FEZ2: variants seen among roughly 807,000 people sequenced by gnomAD.
FEZ2 encodes fasciculation and elongation protein zeta-2.
Under a neutral mutation model 40.4 loss-of-function variants are expected in FEZ2, and 51 were observed. That is an observed-to-expected ratio of 1.26 (90% CI 1.01 to 1.59). FEZ2 has a LOEUF of 1.59. Among genes scored for constraint, FEZ2 ranks in the 40% most tolerant of loss-of-function variants. The pLI is 0.00. For missense variants in FEZ2, 640 were observed against 438.3 expected, an observed-to-expected ratio of 1.46 and a Z score of -4.11; for synonymous variants, 242 against 172.0, an observed-to-expected ratio of 1.41 and a Z score of -3.18.
intron 5 of FEZ2, among the ~76,000 whole-genome samples, chr2:36,564,232 T>C (rs998295523): frequency 4.6e-5 from 7 of 152,228 alleles, no homozygotes; most frequent in African/African-American, 1.4e-4. Flanking sequence ...CTATTGTATG[T>C]TTAATGGCCT....
chr2:36,578,342 C>T (rs1260862913), intron 5 of FEZ2, among the ~76,000 whole-genome samples: 1 of 151,986 alleles, frequency 6.6e-6, no homozygotes. Context: ...TTTTTTGCCC[C>T]CTCTTCCTTC....
intron 5 of FEZ2, among the ~76,000 whole-genome samples, chr2:36,574,609 G>C (rs766341448): frequency 1.3e-5 from 2 of 151,618 alleles, no homozygotes; most frequent in Non-Finnish European, 2.9e-5. Flanking sequence ...TCTAAGAAAG[G>C]AAGACAATGC....
chr2:36,597,158 G>C (rs1573038204), intron 1 of FEZ2, among the ~76,000 whole-genome samples: 1 of 151,978 alleles, frequency 6.6e-6, no homozygotes, highest in South Asian at 2.1e-4. Context: ...TCCCGGGTGG[G>C]TCCCACAGAT....
chr2:36,587,989 G>C (rs1485571135), intron 2 of FEZ2, among the ~76,000 whole-genome samples: 1 of 151,872 alleles, frequency 6.6e-6, no homozygotes, highest in Non-Finnish European at 1.5e-5. Context: ...GAATGATCAC[G>C]TGTTCACTTT....
intron 5 of FEZ2, among the ~76,000 whole-genome samples, chr2:36,559,482 A>G (rs562817488): frequency 2.0e-4 from 30 of 152,334 alleles, no homozygotes; most frequent in African/African-American, 7.2e-4. Flanking sequence ...GAAAAACAGG[A>G]TAAAGAAAGC....
intron 5 of FEZ2, chr2:36,560,863 G>T: frequency 1.2e-6 from 2 of 1,603,958 alleles, no homozygotes; most frequent in Admixed American, 1.7e-5. Context: ...CCATGCTGAA[G>T]CGCTAAAGGC....
At chr2:36,589,309 T>A (rs1386272561) in intron 2 of FEZ2, among the ~76,000 whole-genome samples, 3 of 152,192 alleles carry the variant, frequency 2.0e-5, no homozygotes, top group Non-Finnish European at 4.4e-5. Flanking sequence ...GTGGCACAGA[T>A]AACAAGTCCT....
rs114819905 is a variant in FEZ2 at position 36,588,508 on chromosome 2, G to T, written c.375+2395C>A. On this transcript the variant is annotated intron_variant, in intron 2 of 7. Transcript: ENST00000405912. ...TACAGCAGTCCCTCGGTATCCAAGG[G>T]AAATTTGTTCCAGGACACCCCAATA... is the stretch of plus-strand genomic sequence containing the variant. Among the ~76,000 whole-genome samples the T allele has an allele frequency of 9.3e-3, 1,423 of 152,220 alleles. 14 individuals are homozygous for T. Among genetic ancestry groups the T allele is most frequent in the African/African-American group, 0.033 (1,364 of 41,514 alleles).
chr2:36,556,188 C>T (rs920634049), intron 6 of FEZ2: 3 of 330,832 alleles, frequency 9.1e-6, no homozygotes, highest in South Asian at 5.5e-5. Context: ...GCTATACCCT[C>T]CAACAAGCGT....
intron 5 of FEZ2, among the ~76,000 whole-genome samples, chr2:36,574,524 A>G (rs1196666910): frequency 6.6e-6 from 1 of 152,174 alleles, no homozygotes; most frequent in Non-Finnish European, 1.5e-5. Context: ...TAGAAATACT[A>G]AAGAGGAGTA....
chr2:36,587,988 C>T (rs981199632), intron 2 of FEZ2, among the ~76,000 whole-genome samples: 10 of 151,944 alleles, frequency 6.6e-5, no homozygotes, highest in African/African-American at 1.7e-4. Context: ...TGAATGATCA[C>T]GTGTTCACTT....
chr2:36,553,407 T>G (rs1351817825), intron 7 of FEZ2, among the ~76,000 whole-genome samples: 1 of 152,074 alleles, frequency 6.6e-6, no homozygotes, highest in Non-Finnish European at 1.5e-5. Flanking sequence ...AAAGGCCATG[T>G]CTCTTAGGGT....
rs769156317 is a variant in FEZ2 at position 36,578,739 on chromosome 2, T to G, written c.761A>C (p.Glu254Ala). 1.9e-5 allele frequency: 30 copies of G among 1,613,918 alleles called. No homozygotes were observed. Among genetic ancestry groups the G allele is most frequent in the Non-Finnish European group, 2.5e-5 (29 of 1,179,902 alleles). Residue 254 changes from glutamate to alanine, a missense_variant, in exon 5 of 8, where the codon GAA (glutamate) becomes GCA (alanine). By Grantham distance (107) the Glu-to-Ala change is moderately radical. Coordinates refer to ENST00000405912, the MANE Select transcript of FEZ2 (RefSeq NM_005102.3). ...ALRDELEFEK[E>A]VKNSFISVLI... Reference sequence around the variant, plus strand: ...AACAGAAATAAAGCTGTTTTTCACTTCCTTTTCAAACTCCAGTTCATCTCG... The same window carrying G: ...AACAGAAATAAAGCTGTTTTTCACTGCCTTTTCAAACTCCAGTTCATCTCG...
At chr2:36,569,848 G>C (rs1036856793) in intron 5 of FEZ2, among the ~76,000 whole-genome samples, 1 of 152,008 alleles carries the variant, frequency 6.6e-6, no homozygotes, top group Non-Finnish European at 1.5e-5. Context: ...ACAGAAAAAA[G>C]GTTTGAAAAA....
chr2:36,577,320 C>G (rs1039576047), intron 5 of FEZ2, among the ~76,000 whole-genome samples: 12 of 151,472 alleles, frequency 7.9e-5, no homozygotes, highest in Non-Finnish European at 1.2e-4. Context: ...GGCAATGGCA[C>G]GATCTTGGCT....
chr2:36,571,252 C>G lies in FEZ2; in HGVS notation c.903+7345G>C, dbSNP rs75760809. On this transcript the variant is annotated intron_variant, in intron 5 of 7. Coordinates refer to ENST00000405912, the MANE Select transcript of FEZ2 (RefSeq NM_005102.3). Reference sequence around the variant, plus strand: ...TTTTTCTCCACCCTACAATGACCTTCTATCATGCTAATAGTAATTCTTAGT... The same window carrying G: ...TTTTTCTCCACCCTACAATGACCTTGTATCATGCTAATAGTAATTCTTAGT... Among the ~76,000 whole-genome samples the G allele has an allele frequency of 8.7e-3, 1,327 of 152,312 alleles. 15 individuals carry two copies. The highest frequency in any genetic ancestry group is 0.031 in the African/African-American group (1,283 of 41,560).
At chr2:36,584,801 T>G (rs776088481) in intron 2 of FEZ2, among the ~76,000 whole-genome samples, 29 of 152,182 alleles carry the variant, frequency 1.9e-4, no homozygotes, top group Non-Finnish European at 5.9e-5. Flanking sequence ...CATGAGCATC[T>G]GAAGTTTGCA....
chr2:36,564,789 A>G (rs146029144), intron 5 of FEZ2, among the ~76,000 whole-genome samples: 2 of 152,292 alleles, frequency 1.3e-5, no homozygotes, highest in South Asian at 2.1e-4. Flanking sequence ...CGCCACAGCT[A>G]GTGTGCAGGA....
chr2:36,558,282 C>G (rs909573330), intron 6 of FEZ2, 156 bp downstream of exon 6: 2 of 452,498 alleles, frequency 4.4e-6, no homozygotes, highest in Non-Finnish European at 8.0e-6. Flanking sequence ...ATGTCACAGC[C>G]ATTTTTGGCT....
Sources: allele counts gnomAD v4.1 joint callset (sites outside exome capture counted in the v4.1 genomes callset), GRCh38; gene constraint gnomAD v4.1.1; transcripts MANE v1.5; gene names NCBI Gene and HGNC (gene_info 2026-07-23, HGNC 2026-07-21).